The following KIF3A variants were observed in gnomAD, a reference collection of about 807,000 sequenced individuals.
KIF3A encodes kinesin family member 3A, also known as kinesin-like protein KIF3A.
In KIF3A, 27 loss-of-function variants were observed where a neutral mutation model predicts 92.6. The observed-to-expected ratio is 0.29, with a 90% confidence interval of 0.21 to 0.40. The LOEUF (loss-of-function observed/expected upper bound fraction) is 0.40, where lower values mean the gene tolerates loss of function less well. Ranked by LOEUF, KIF3A falls within the 10% of genes least tolerant of loss-of-function variation. The pLI, the probability that KIF3A is intolerant of heterozygous loss-of-function variation, is 1.00. For missense variants in KIF3A, 581 were observed against 872.6 expected (o/e 0.67, Z 4.21); for synonymous variants, 250 against 275.4 (o/e 0.91, Z 0.92).
downstream of KIF3A, among the ~76,000 whole-genome samples, chr5:132,692,103 A>G (rs1008356017): frequency 6.6e-6 from 1 of 152,214 alleles, no homozygotes; most frequent in Non-Finnish European, 1.5e-5. Flanking sequence ...AATGAATGAG[A>G]TCATGTCTTT....
intron 6 of KIF3A, 124 bp downstream of exon 6, chr5:132,716,721 C>T: frequency 2.8e-6 from 3 of 1,060,774 alleles, no homozygotes; most frequent in South Asian, 1.4e-5. Flanking sequence ...AAATAATAAA[C>T]ATACACAAGT....
chr5:132,724,792 T>TTAAAA (rs1230636403), intron 4 of KIF3A, among the ~76,000 whole-genome samples: 20 of 64,346 alleles, frequency 3.1e-4, no homozygotes, highest in Non-Finnish European at 4.6e-4. Flanking sequence ...TAAAGTATAA[T>TTAAAA]AAAAAAAAAA....
intron 2 of KIF3A, among the ~76,000 whole-genome samples, chr5:132,727,832 G>A (rs1489562000): frequency 6.6e-6 from 1 of 152,112 alleles, no homozygotes; most frequent in Non-Finnish European, 1.5e-5. Context: ...GATAGCCTTG[G>A]ATGTGATGGC....
At chr5:132,703,233 A>G (rs1753102073) in intron 12 of KIF3A, among the ~76,000 whole-genome samples, 168 bp from the exon 13 acceptor site, 1 of 152,158 alleles carries the variant, frequency 6.6e-6, no homozygotes, top group South Asian at 2.1e-4. Context: ...AACTTAATTT[A>G]TAACTCATTC....
chr5:132,724,809 A>T (rs1396926424), intron 4 of KIF3A, among the ~76,000 whole-genome samples: 1 of 10,516 alleles, frequency 9.5e-5, no homozygotes, highest in South Asian at 3.5e-3. Flanking sequence ...AAAAAAAAAT[A>T]TATATATATA....
rs903897294 is a variant in KIF3A at position 132,736,945 on chromosome 5, T to C, written c.6+469A>G. ...ATAAGCTAAAGCGCCACAAGAGCAATGACAGCTCAAGGCTAGGAGACTCGG... is the reference window on the plus strand; with the variant it reads ...ATAAGCTAAAGCGCCACAAGAGCAACGACAGCTCAAGGCTAGGAGACTCGG... On this transcript the variant is annotated intron_variant, in intron 1 of 18. Coordinates refer to ENST00000403231, the MANE Select transcript of KIF3A (RefSeq NM_001300791.2). 1.8e-5 allele frequency: 6 copies of C among 329,140 alleles called. No individual in the cohort carries two copies. The Admixed American group carries it at 2.7e-4, about 15-fold the overall frequency. 20.4% of individuals were successfully genotyped at this position (329,140 alleles called of 1,614,324 possible).
chr5:132,719,187 A>G (rs1028188441), intron 5 of KIF3A, among the ~76,000 whole-genome samples: 1 of 152,198 alleles, frequency 6.6e-6, no homozygotes, highest in Admixed American at 6.5e-5. Context: ...ACCAACCTAC[A>G]TATCCTTCAT....
At chr5:132,703,432 C>T (rs756509119) in intron 12 of KIF3A, 31 bp downstream of exon 12, 12 of 1,526,294 alleles carry the variant, frequency 7.9e-6, no homozygotes, top group Non-Finnish European at 8.9e-6. Context: ...AAATTTAAAT[C>T]ATGAATTCAT....
chr5:132,706,349 T>TA lies in KIF3A; in HGVS notation c.1309+101dup, dbSNP rs200994624. The TA allele has an allele frequency of 8.1e-3, 5,869 of 725,678 alleles. 30 individuals carry two copies. Among genetic ancestry groups the TA allele is most frequent in the Non-Finnish European group, 9.7e-3 (4,720 of 485,148 alleles). The allele number at this position is 725,678 out of a possible 1,614,324, so 45.0% of individuals were successfully genotyped here. ...ATACAAAAGATAGATACTTACCTGG[T>TA]AAAAAAACTACTAAATTTTAAAAAT... is the stretch of plus-strand genomic sequence containing the variant. On this transcript the variant is annotated intron_variant, in intron 11 of 18. Coordinates refer to ENST00000403231, the MANE Select transcript of KIF3A (RefSeq NM_001300791.2).
At position 132,737,449 on chromosome 5, in the gene KIF3A, CCCCG is replaced by C; in HGVS notation, c.-34_-31del. The C allele has an allele frequency of 6.2e-7, 1 of 1,601,580 alleles. No homozygotes were observed. The highest frequency in any genetic ancestry group is 1.7e-4 in the Middle Eastern group (1 of 6,026). On this transcript the variant is annotated 5_prime_UTR_variant, in exon 1 of 19. Coordinates refer to ENST00000403231, the MANE Select transcript of KIF3A (RefSeq NM_001300791.2). ...GCCCCCTCCCGTGCCCGGCGGACGT[CCCCG>C]CCCGGGGTGCAGCCCAGCGACACCG...
chr5:132,706,022 C>A (rs1753197443), intron 11 of KIF3A, among the ~76,000 whole-genome samples: 1 of 151,980 alleles, frequency 6.6e-6, no homozygotes, highest in Admixed American at 6.6e-5. Flanking sequence ...ACATAAGTAG[C>A]AACATTTTTT....
At chr5:132,688,904 T>C (rs1752602888), downstream of KIF3A, among the ~76,000 whole-genome samples, 1 of 152,158 alleles carries the variant, frequency 6.6e-6, no homozygotes, top group African/African-American at 2.4e-5. Flanking sequence ...AAAACTAAAA[T>C]TTCCCCAGCC....
chr5:132,717,058 G>A, intron 5 of KIF3A, 74 bp from the exon 6 acceptor site: 1 of 1,391,916 alleles, frequency 7.2e-7, no homozygotes, highest in Non-Finnish European at 9.9e-7. Flanking sequence ...ATCCTGAACA[G>A]TTTAAAACAC....
At position 132,737,421 on chromosome 5, in the gene KIF3A, T is replaced by G. The variant is rs1228887033; in HGVS notation, c.-2A>C. On this transcript the variant is annotated 5_prime_UTR_variant, in exon 1 of 19. Transcript: ENST00000403231. ...CGAAGCGACTCTCCTCACCGGCATC[T>G]TGGCCCCCTCCCGTGCCCGGCGGAC... 3 of 1,607,680 alleles carry G rather than the reference T, an allele frequency of 1.9e-6. No individual in the cohort carries two copies. Among genetic ancestry groups the G allele is most frequent in the Non-Finnish European group, 2.5e-6 (3 of 1,177,500 alleles).
At chr5:132,723,829 C>T (rs1262970011) in intron 4 of KIF3A, 2 of 152,144 alleles carry the variant, frequency 1.3e-5, no homozygotes, top group African/African-American at 4.8e-5. Flanking sequence ...AGCTTCTGCA[C>T]AGCAAAAGAA....
At chr5:132,706,330 AAGAT>A (rs1415560872) in intron 11 of KIF3A, 117 bp downstream of exon 11, 3 of 552,800 alleles carry the variant, frequency 5.4e-6, no homozygotes, top group Non-Finnish European at 5.8e-6. Flanking sequence ...AAAAATACAA[AAGAT>A]AGATACTTAC....
In KIF3A at chr5:132,716,859, G is replaced by A; in HGVS notation, c.742C>T (p.Leu248Phe). 3 of 1,613,942 alleles carry A rather than the reference G, an allele frequency of 1.9e-6. No individual in the cohort carries two copies. The highest frequency in any genetic ancestry group is 2.5e-6 in the Non-Finnish European group (3 of 1,179,914). The change falls in exon 6 of 19, where the codon CTT becomes TTT. Residue 248 changes from leucine (L) to phenylalanine (F), a missense_variant. Physicochemically the swap from Leu to Phe is conservative, Grantham distance 22. Coordinates refer to ENST00000403231, the MANE Select transcript of KIF3A (RefSeq NM_001300791.2). ...CTGTTACTTACAGCAAGATCTACAA[G>A]ATGGAGCTTCCCCATCCTGACATGC... ...NMHVRMGKLH[L>F]VDLAGSERQA...
intron 4 of KIF3A, chr5:132,723,699 A>G (rs1753904208): frequency 6.6e-6 from 1 of 152,224 alleles, no homozygotes; most frequent in African/African-American, 2.4e-5. Context: ...TGAAAACCCT[A>G]GAAGAAAACC....
rs1376640569 is a variant in KIF3A at position 132,695,147 on chromosome 5, T to G, written c.*1487A>C. ...AACCACAAAACATATATTAAGTGGT[T>G]TAGGAGTAGCATAACTTTATTTTTA... On this transcript the variant is annotated 3_prime_UTR_variant, in exon 19 of 19. Transcript: ENST00000403231. 1 of 152,266 alleles carries G rather than the reference T, an allele frequency of 6.6e-6. No individual in the cohort carries two copies. Among genetic ancestry groups the G allele is most frequent in the Non-Finnish European group, 1.5e-5 (1 of 68,012 alleles). The allele number at this position is 152,266 out of a possible 1,614,324, so 9.4% of individuals were successfully genotyped here.
Sources: gnomAD v4.1 joint callset for allele counts (sites outside exome capture counted in the v4.1 genomes callset) on GRCh38, gnomAD v4.1.1 for gene constraint, MANE v1.5 for transcripts, NCBI Gene and HGNC (gene_info 2026-07-23, HGNC 2026-07-21) for gene names.